Variants in APCDD1 observed in about 807,000 individuals in gnomAD.
APCDD1 encodes APC down-regulated 1.
A neutral mutation model predicts 38.1 loss-of-function variants in APCDD1; 15 were observed. The observed-to-expected ratio is 0.39, with a 90% CI of 0.26 to 0.61. APCDD1 has a LOEUF of 0.61. Among genes scored for constraint, APCDD1 ranks in the 20% least tolerant of loss-of-function variants. The probability of loss-of-function intolerance (pLI) is 0.49; values close to 1 mark genes in which losing one functional copy is unlikely to be tolerated. For synonymous variants in APCDD1, 261 were observed against 279.7 expected, an observed-to-expected ratio of 0.93 and a Z score of 0.67; for missense variants, 647 against 696.2, an observed-to-expected ratio of 0.93 and a Z score of 0.79.
chr18:10,468,075 C>T (rs2030759431), intron 1 of APCDD1, among the ~76,000 whole-genome samples: 1 of 152,206 alleles, frequency 6.6e-6, no homozygotes, highest in Non-Finnish European at 1.5e-5. Flanking sequence ...ACTTTGGTGA[C>T]TCCAGAACAT....
rs1403060582 is a variant in APCDD1, at chr18:10,454,906, G to A, written c.-76G>A. 1 of 1,425,256 alleles carries A rather than the reference G, an allele frequency of 7.0e-7. No individual in the cohort carries two copies. Among genetic ancestry groups the A allele is most frequent in the Non-Finnish European group, 9.2e-7 (1 of 1,081,622 alleles). The allele number at this position is 1,425,256 out of a possible 1,614,324, so 88.3% of individuals were successfully genotyped here. ...CCGGCCGCACCCGGCCGGAGGCGGA[G>A]GGCAGAGCGCGCGCCCAGTTGCCCG... On this transcript the variant is annotated 5_prime_UTR_variant, in exon 1 of 5. Transcript: ENST00000355285.
chr18:10,460,170 T>G (rs540269437), intron 1 of APCDD1, among the ~76,000 whole-genome samples: 1 of 152,196 alleles, frequency 6.6e-6, no homozygotes, highest in African/African-American at 2.4e-5. Flanking sequence ...TCAATATAGA[T>G]CGGCAGGTGA....
chr18:10,487,988 G>A lies in APCDD1; in HGVS notation c.1495G>A (p.Ala499Thr). 8 of 1,613,930 alleles carry A rather than the reference G, an allele frequency of 5.0e-6. No homozygotes were observed. Among genetic ancestry groups the A allele is most frequent in the Non-Finnish European group, 6.8e-6 (8 of 1,180,038 alleles). The stretch of plus-strand genomic sequence containing the variant: ...GAGGCACACCTGGTCCCTGCTGCTG[G>A]CTGCACTTGCCTGCCTTGTCCCTCT... Reference protein sequence around the residue: ...PGRHTWSLLLAALACLVPLLH... With the variant: ...PGRHTWSLLLTALACLVPLLH... The change falls in exon 5 of 5, where the codon GCT becomes ACT. Residue 499 changes from alanine (A) to threonine (T), a missense_variant. Physicochemically the swap from Ala to Thr is moderately conservative, Grantham distance 58. Coordinates refer to ENST00000355285, the MANE Select transcript of APCDD1 (RefSeq NM_153000.5).
In APCDD1 at chr18:10,470,137, G is replaced by A. The variant is rs138531606; in HGVS notation, c.243-1393G>A. On this transcript the variant is annotated intron_variant, in intron 2 of 4. Coordinates refer to ENST00000355285, the MANE Select transcript of APCDD1 (RefSeq NM_153000.5). This position sits in a 1 kb window ranked among gnomAD's most constrained non-coding sequence, Gnocchi z 4.1. Reference sequence around the variant, plus strand: ...TCTGGTTAGAGAGCACAGAGGCTTAGGTAAGAGGAGCTGCAGGAGCAACTG... The same window carrying A: ...TCTGGTTAGAGAGCACAGAGGCTTAAGTAAGAGGAGCTGCAGGAGCAACTG... Among the ~76,000 whole-genome samples the A allele has an allele frequency of 2.2e-4, 33 of 152,352 alleles. No individual in the cohort carries two copies. The highest frequency in any genetic ancestry group is 4.1e-4 in the South Asian group (2 of 4,830).
chr18:10,468,694 C>G, intron 2 of APCDD1, 42 bp downstream of exon 2: 1 of 1,598,968 alleles, frequency 6.3e-7, no homozygotes, highest in Non-Finnish European at 8.6e-7. Context: ...AGAGAGCACA[C>G]CACTATGGAA....
rs772144366 is a variant in APCDD1, at chr18:10,467,724, G to C, written c.59-745G>C. ...ATTTCTGGCCTTGTGAGGGTGAGGG[G>C]CTGGACTTGGAAGATAATTGGGGGG... On this transcript the variant is annotated intron_variant, in intron 1 of 4. Transcript: ENST00000355285. The surrounding 1 kb of genome is among the most constrained non-coding windows in gnomAD (Gnocchi z 4.8). Among the ~76,000 whole-genome samples the C allele has an allele frequency of 6.6e-6, 1 of 151,978 alleles. No individual in the cohort carries two copies. The highest frequency in any genetic ancestry group is 1.5e-5 in the Non-Finnish European group (1 of 68,032).
At chr18:10,484,191 G>T (rs1385692249) in intron 3 of APCDD1, among the ~76,000 whole-genome samples, 2 of 152,234 alleles carry the variant, frequency 1.3e-5, no homozygotes, top group African/African-American at 4.8e-5. Flanking sequence ...GATGAGGAAC[G>T]CAGAAACCTT....
chr18:10,460,952 C>T (rs1177503537), intron 1 of APCDD1, among the ~76,000 whole-genome samples: 3 of 152,222 alleles, frequency 2.0e-5, no homozygotes, highest in Admixed American at 6.5e-5. Context: ...ACCTGACACA[C>T]AGGCCTTTTA....
Position 10,469,349 on chromosome 18 carries a change from T to C in APCDD1, c.242+697T>C, listed in dbSNP as rs2030796327. Among the ~76,000 whole-genome samples, 1 of 152,016 alleles carries C rather than the reference T, an allele frequency of 6.6e-6. No homozygotes were observed. The highest frequency in any genetic ancestry group is 2.1e-4 in the South Asian group (1 of 4,824). ...TCCTTGGGGAGGGATCAGATGAATA[T>C]GGAGAAGAGAAAAAAAGAAATTGTA... On this transcript the variant is annotated intron_variant, in intron 2 of 4. Coordinates refer to ENST00000355285, the MANE Select transcript of APCDD1 (RefSeq NM_153000.5). This position sits in a 1 kb window ranked among gnomAD's most constrained non-coding sequence, Gnocchi z 5.5.
chr18:10,485,515 C>G lies in APCDD1; in HGVS notation c.828C>G (p.His276Gln). The change falls in exon 4 of 5, where the codon CAC (histidine) becomes CAG (glutamine). Residue 276 changes from histidine (H) to glutamine (Q), a missense_variant. By Grantham distance (24) the His-to-Gln change is conservative (BLOSUM62 0). Coordinates refer to ENST00000355285, the MANE Select transcript of APCDD1 (RefSeq NM_153000.5). This position sits in a 1 kb window ranked among gnomAD's most constrained non-coding sequence, Gnocchi z 5.8. ...ACRIIYRSDEHHPPILPPKAD... is the reference protein window; with the variant it reads ...ACRIIYRSDEQHPPILPPKAD... Reference sequence around the variant, plus strand: ...GGATCATCTATCGGTCAGACGAGCACCACCCTCCCATCCTGCCCCCAAAGG... The same window carrying G: ...GGATCATCTATCGGTCAGACGAGCAGCACCCTCCCATCCTGCCCCCAAAGG... 2 of 1,614,180 alleles carry G rather than the reference C, an allele frequency of 1.2e-6. No individual in the cohort carries two copies. Among genetic ancestry groups the G allele is most frequent in the Non-Finnish European group, 1.7e-6 (2 of 1,180,042 alleles).
Position 10,454,639 on chromosome 18 carries a change from A to G in APCDD1, c.-343A>G. 1 of 1,061,550 alleles carries G rather than the reference A, an allele frequency of 9.4e-7. No homozygotes were observed. Among genetic ancestry groups the G allele is most frequent in the Non-Finnish European group, 1.1e-6 (1 of 875,044 alleles). 65.8% of individuals were successfully genotyped at this position (1,061,550 alleles called of 1,614,324 possible). A position where few individuals can be genotyped will look rare whatever the true frequency, so the allele number is the denominator to read the frequency against. ...CCGGCGGCGCGCTGGAAATATGAAG[A>G]GACGCTGCAGCTGCGGTGGCGGTGG... On this transcript the variant is annotated 5_prime_UTR_variant, in exon 1 of 5. Coordinates refer to ENST00000355285, the MANE Select transcript of APCDD1 (RefSeq NM_153000.5).
intron 3 of APCDD1, among the ~76,000 whole-genome samples, chr18:10,478,426 A>G (rs2031057825): frequency 6.6e-6 from 1 of 152,138 alleles, no homozygotes; most frequent in South Asian, 2.1e-4. Flanking sequence ...AGCAGCATGG[A>G]CTGGGGACAG....
At position 10,475,772 on chromosome 18, in the gene APCDD1, A is replaced by C; in HGVS notation, c.774+3711A>C. The C allele has an allele frequency of 7.4e-6, 1 of 135,840 alleles. No homozygotes were observed. The highest frequency in any genetic ancestry group is 1.6e-5 in the Non-Finnish European group (1 of 64,504). 8.4% of individuals were successfully genotyped at this position (135,840 alleles called of 1,614,324 possible). ...GGACCCAGGCTTCCTGAGCCAGCCTAGCTGCCTCGCAAGATGGCTGAGGGG... is the reference window on the plus strand; with the variant it reads ...GGACCCAGGCTTCCTGAGCCAGCCTCGCTGCCTCGCAAGATGGCTGAGGGG... On this transcript the variant is annotated intron_variant, in intron 3 of 4. Coordinates refer to ENST00000355285, the MANE Select transcript of APCDD1 (RefSeq NM_153000.5). The surrounding 1 kb of genome is among the most constrained non-coding windows in gnomAD (Gnocchi z 4.0).
intron 1 of APCDD1, among the ~76,000 whole-genome samples, chr18:10,460,013 T>C (rs1490600526): frequency 1.3e-5 from 2 of 152,240 alleles, no homozygotes; most frequent in Admixed American, 6.5e-5. Context: ...TTCAGGTTTT[T>C]TCCCTTAAGC....
Position 10,476,090 on chromosome 18 carries a change from G to C in APCDD1, c.774+4029G>C, listed in dbSNP as rs939839462. 9.2e-5 allele frequency: 14 copies of C among 152,382 alleles called. No homozygotes were observed. The East Asian group carries it at 2.5e-3, about 27-fold the overall frequency. The allele number at this position is 152,382 out of a possible 1,614,324, so 9.4% of individuals were successfully genotyped here. The stretch of plus-strand genomic sequence containing the variant: ...AGACAGGAAGAAAGGCTGGGAGAAC[G>C]TCTTCAAAGACCGTACACGCCTGCC... On this transcript the variant is annotated intron_variant, in intron 3 of 4. Coordinates refer to ENST00000355285, the MANE Select transcript of APCDD1 (RefSeq NM_153000.5). The surrounding 1 kb of genome is among the most constrained non-coding windows in gnomAD (Gnocchi z 5.8).
intron 1 of APCDD1, 102 bp from the exon 2 acceptor site, chr18:10,468,367 T>G (rs1283745976): frequency 8.0e-7 from 1 of 1,247,168 alleles, no homozygotes; most frequent in Non-Finnish European, 1.2e-6. Flanking sequence ...AAACAATCAT[T>G]TCCCACCTTC....
At position 10,475,793 on chromosome 18, in the gene APCDD1, AGG is replaced by A. The variant is rs58043724; in HGVS notation, c.774+3743_774+3744del. ...GCCTAGCTGCCTCGCAAGATGGCTG[AGG>A]GGGGGGGGGGTCAGTGGAAGGCCGA... On this transcript the variant is annotated intron_variant, in intron 3 of 4. Transcript: ENST00000355285. The surrounding 1 kb of genome is among the most constrained non-coding windows in gnomAD (Gnocchi z 4.0). The A allele has an allele frequency of 0.089, 8,541 of 95,510 alleles. 394 individuals carry two copies. Among genetic ancestry groups the A allele is most frequent in the South Asian group, 0.15 (425 of 2,844 alleles). 5.9% of individuals were successfully genotyped at this position (95,510 alleles called of 1,614,324 possible).
At chr18:10,459,320 A>G (rs2030468898) in intron 1 of APCDD1, among the ~76,000 whole-genome samples, 1 of 150,488 alleles carries the variant, frequency 6.6e-6, no homozygotes, top group African/African-American at 2.5e-5. Context: ...AAGCGTGCAC[A>G]CACACACACA....
At chr18:10,484,816 A>G (rs1350208376) in intron 3 of APCDD1, among the ~76,000 whole-genome samples, 1 of 139,644 alleles carries the variant, frequency 7.2e-6, no homozygotes, top group Non-Finnish European at 1.5e-5. Context: ...TGATCCATCC[A>G]TCTGTCAGTG....
Sources: allele counts gnomAD v4.1 joint callset (sites outside exome capture counted in the v4.1 genomes callset), GRCh38; gene constraint gnomAD v4.1.1; non-coding constraint Gnocchi (gnomAD v3.1); transcripts MANE v1.5; gene names NCBI Gene and HGNC (gene_info 2026-07-23, HGNC 2026-07-21).